Variants in DEGS1 observed in about 807,000 individuals in gnomAD.
The protein encoded by DEGS1 is delta 4-desaturase, sphingolipid 1.
A neutral mutation model predicts 24.1 loss-of-function variants in DEGS1; 17 were observed. That is an observed-to-expected ratio of 0.70 (90% CI 0.48 to 1.06). DEGS1 has a LOEUF of 1.06. Among genes scored for constraint, DEGS1 ranks in the 50% least tolerant of loss-of-function variants. The probability of loss-of-function intolerance (pLI) is 0.00; values close to 1 mark genes in which losing one functional copy is unlikely to be tolerated. For synonymous variants in DEGS1, 134 were observed against 140.0 expected (o/e 0.96, Z 0.30); for missense variants, 366 against 408.9 (o/e 0.90, Z 0.91).
At chr1:224,190,360 C>A in intron 2 of DEGS1, 41 bp downstream of exon 2, 1 of 1,442,360 alleles carries the variant, frequency 6.9e-7, no homozygotes, top group Non-Finnish European at 9.1e-7. Flanking sequence ...TTTGTTTTTT[C>A]ATTTGTTTGT....
chr1:224,187,820 A>T (rs534033360), intron 1 of DEGS1, among the ~76,000 whole-genome samples: 9 of 152,152 alleles, frequency 5.9e-5, no homozygotes, highest in African/African-American at 2.2e-4. Context: ...GCAGTCCCTC[A>T]TATCCCCTGC....
At chr1:224,185,511 C>CT (rs147588723) in intron 1 of DEGS1, among the ~76,000 whole-genome samples, 12,971 of 152,060 alleles carry the variant, frequency 0.085, 697 homozygotes, top group Non-Finnish European at 0.12. Flanking sequence ...TAGCATGATA[C>CT]TTTTTTGAGA....
At chr1:224,191,808 G>T (rs1430255060) in intron 2 of DEGS1, among the ~76,000 whole-genome samples, 1 of 151,866 alleles carries the variant, frequency 6.6e-6, no homozygotes, top group Non-Finnish European at 1.5e-5. Flanking sequence ...TATTGGTTAG[G>T]CTGGTCTCGA....
intron 1 of DEGS1, among the ~76,000 whole-genome samples, chr1:224,186,557 C>A (rs1299733644): frequency 6.6e-6 from 1 of 151,886 alleles, no homozygotes; most frequent in South Asian, 2.1e-4. Flanking sequence ...ACTAAAAATA[C>A]AAAAAATTAG....
intron 1 of DEGS1, chr1:224,183,737 C>G (rs987778193): frequency 4.2e-6 from 1 of 236,986 alleles, no homozygotes; most frequent in Non-Finnish European, 8.1e-6. Context: ...CCCGGCTGTG[C>G]CAGCCTTGAG....
chr1:224,190,371 T>A (rs1193484124), intron 2 of DEGS1, 52 bp downstream of exon 2: 7 of 1,437,376 alleles, frequency 4.9e-6, no homozygotes, highest in Admixed American at 2.7e-5. Context: ...ATTTGTTTGT[T>A]TTTTGAGACG....
At chr1:224,191,742 A>G (rs949568688) in intron 2 of DEGS1, among the ~76,000 whole-genome samples, 8 of 151,578 alleles carry the variant, frequency 5.3e-5, no homozygotes, top group African/African-American at 1.7e-4. Context: ...CTACAGGCGC[A>G]CGCCACCATG....
chr1:224,185,953 C>G (rs1272187654), intron 1 of DEGS1, among the ~76,000 whole-genome samples: 2 of 152,018 alleles, frequency 1.3e-5, no homozygotes, highest in African/African-American at 4.8e-5. Flanking sequence ...GTAATCCGAG[C>G]ACTTTGAGAA....
chr1:224,193,156 TCA>T lies in DEGS1; in HGVS notation c.*681_*682del, dbSNP rs911686053. 1 of 152,238 alleles carries T rather than the reference TCA, an allele frequency of 6.6e-6. No individual in the cohort carries two copies. The highest frequency in any genetic ancestry group is 6.5e-5 in the Admixed American group (1 of 15,278). 9.4% of individuals were successfully genotyped at this position (152,238 alleles called of 1,614,324 possible). On this transcript the variant is annotated 3_prime_UTR_variant, in exon 3 of 3. Coordinates refer to ENST00000323699, the MANE Select transcript of DEGS1 (RefSeq NM_003676.4). The stretch of plus-strand genomic sequence containing the variant: ...TAAAAAGCTAATAAACAGCTATTAA[TCA>T]CAGTGTATTAGTATTTGTTACATTT...
At chr1:224,191,636 C>T (rs1658538780) in intron 2 of DEGS1, among the ~76,000 whole-genome samples, 1 of 137,580 alleles carries the variant, frequency 7.3e-6, no homozygotes, top group Admixed American at 7.7e-5. Flanking sequence ...TCTCTCTCAC[C>T]CAGGCTGGAG....
At position 224,189,902 on chromosome 1, in the gene DEGS1, A is replaced by T. The variant is rs1658490520; in HGVS notation, c.408A>T (p.Gly136=). ...ACATGGATCATCATCGGTACCTTGG[A>T]GCTGATGGCGTCGATGTAGATATTC... is the stretch of plus-strand genomic sequence containing the variant. ...RYHMDHHRYL[G]ADGVDVDIPT... The change falls in exon 2 of 3, where the codon GGA becomes GGT. Residue 136 remains glycine (G), a synonymous_variant. Coordinates refer to ENST00000323699, the MANE Select transcript of DEGS1 (RefSeq NM_003676.4). The T allele has an allele frequency of 6.2e-7, 1 of 1,614,174 alleles. No individual in the cohort carries two copies. Among genetic ancestry groups the T allele is most frequent in the Non-Finnish European group, 8.5e-7 (1 of 1,180,044 alleles).
chr1:224,186,358 C>CTGAG (rs1448678226), intron 1 of DEGS1, among the ~76,000 whole-genome samples: 5 of 152,084 alleles, frequency 3.3e-5, no homozygotes, highest in Non-Finnish European at 7.4e-5. Context: ...TTACCTCACA[C>CTGAG]TGAGCCTTTT....
At chr1:224,183,886 G>A (rs968508940) in intron 1 of DEGS1, 1 of 152,974 alleles carries the variant, frequency 6.5e-6, no homozygotes, top group African/African-American at 2.4e-5. Flanking sequence ...TGTGGTCCTG[G>A]GCATCCTTGG....
chr1:224,183,350 T>C lies in DEGS1; in HGVS notation c.14T>C (p.Val5Ala). Residue 5 changes from valine to alanine, a missense_variant, in exon 1 of 3, where the codon GTC (valine) becomes GCC (alanine). Physicochemically the swap from Val to Ala is moderately conservative, Grantham distance 64. Transcript: ENST00000323699. MGSR[V>A]SREDFEWVYT... is the part of the protein sequence containing the mutation. ...ACCGCTGTCGCCATGGGGAGCCGCGTCTCGCGGGAAGACTTCGAGTGGGTC... is the reference window on the plus strand; with the variant it reads ...ACCGCTGTCGCCATGGGGAGCCGCGCCTCGCGGGAAGACTTCGAGTGGGTC... 6.8e-7 allele frequency: 1 copy of C among 1,479,736 alleles called. No individual in the cohort carries two copies. Among genetic ancestry groups the C allele is most frequent in the Middle Eastern group, 1.8e-4 (1 of 5,628 alleles). 91.7% of individuals were successfully genotyped at this position (1,479,736 alleles called of 1,614,324 possible). A position where few individuals can be genotyped will look rare whatever the true frequency, so the allele number is the denominator to read the frequency against.
chr1:224,187,641 A>C (rs1003002744), intron 1 of DEGS1, among the ~76,000 whole-genome samples: 1 of 152,172 alleles, frequency 6.6e-6, no homozygotes, highest in Admixed American at 6.5e-5. Flanking sequence ...GGTGTGAGCC[A>C]CAGCACCTGG....
intron 1 of DEGS1, among the ~76,000 whole-genome samples, chr1:224,187,900 T>A (rs187044979): frequency 3.9e-5 from 6 of 152,192 alleles, no homozygotes; most frequent in Admixed American, 2.0e-4. Flanking sequence ...TTCATATACA[T>A]GAAATCATAA....
In DEGS1 at chr1:224,183,305, C is replaced by G. The variant is rs1388849031; in HGVS notation, c.-32C>G. On this transcript the variant is annotated 5_prime_UTR_variant, in exon 1 of 3. Coordinates refer to ENST00000323699, the MANE Select transcript of DEGS1 (RefSeq NM_003676.4). ...TGAGCAGCCGGCTGGGAGCGAGAGC[C>G]GACAGCTAGTCTGCAAGCCACCGCT... is the stretch of plus-strand genomic sequence containing the variant. The G allele has an allele frequency of 1.4e-6, 2 of 1,472,790 alleles. No homozygotes were observed. Among genetic ancestry groups the G allele is most frequent in the South Asian group, 1.3e-5 (1 of 76,150 alleles). 91.2% of individuals were successfully genotyped at this position (1,472,790 alleles called of 1,614,324 possible).
Position 224,186,678 on chromosome 1 carries a change from A to T in DEGS1, c.83-2899A>T, listed in dbSNP as rs1452905030. Among the ~76,000 whole-genome samples, 3 of 140,312 alleles carry T rather than the reference A, an allele frequency of 2.1e-5. No individual in the cohort carries two copies. In the Admixed American group the frequency reaches 2.4e-4, roughly 11 times the overall value. The allele number at this position is 140,312 out of a possible 152,430, so 92.1% of individuals were successfully genotyped here. A position where few individuals can be genotyped will look rare whatever the true frequency, so the allele number is the denominator to read the frequency against. Reference sequence around the variant, plus strand: ...CAGTGAGCTGAGATGGTGCCACTGCACTCCAGCCTGGGCGACAGAGTGAGC... The same window carrying T: ...CAGTGAGCTGAGATGGTGCCACTGCTCTCCAGCCTGGGCGACAGAGTGAGC... On this transcript the variant is annotated intron_variant, in intron 1 of 2. Transcript: ENST00000323699.
At chr1:224,187,955 A>AT (rs35997275) in intron 1 of DEGS1, among the ~76,000 whole-genome samples, 25,265 of 148,286 alleles carry the variant, frequency 0.17, 2,395 homozygotes, top group East Asian at 0.36. Flanking sequence ...CATAATATAA[A>AT]TTTTTTTTTT....
Sources: allele counts gnomAD v4.1 joint callset (sites outside exome capture counted in the v4.1 genomes callset), GRCh38; gene constraint gnomAD v4.1.1; transcripts MANE v1.5; gene names NCBI Gene and HGNC (gene_info 2026-07-23, HGNC 2026-07-21).